Variants in IL1RAP observed in about 807,000 individuals in gnomAD.
IL1RAP encodes the protein interleukin 1 receptor accessory protein, also known as interleukin-1 receptor accessory protein.
A neutral mutation model predicts 60.7 loss-of-function variants in IL1RAP; 35 were observed. The ratio of observed to expected loss-of-function variants is 0.58; its 90% CI spans 0.44 to 0.76. IL1RAP has a LOEUF of 0.76. Among genes scored for constraint, IL1RAP ranks in the 30% least tolerant of loss-of-function variants. IL1RAP has a pLI of 0.00. For synonymous variants in IL1RAP, 268 were observed against 250.9 expected (o/e 1.07, Z -0.64); for missense variants, 572 against 693.9 (o/e 0.82, Z 1.97).
intron 3 of IL1RAP, among the ~76,000 whole-genome samples, chr3:190,591,128 T>C (rs759510031): frequency 5.3e-5 from 8 of 152,180 alleles, no homozygotes; most frequent in Admixed American, 3.9e-4. Flanking sequence ...CACAATTCAG[T>C]TTGAAATGGG....
downstream of IL1RAP, among the ~76,000 whole-genome samples, chr3:190,652,147 C>T (rs141016074): frequency 6.6e-4 from 100 of 152,046 alleles, no homozygotes; most frequent in Middle Eastern, 6.8e-3. Context: ...TCCATAGTGA[C>T]AGGGATGCCT....
At chr3:190,639,600 T>G (rs572627471) in intron 9 of IL1RAP, among the ~76,000 whole-genome samples, 1 of 152,328 alleles carries the variant, frequency 6.6e-6, no homozygotes, top group African/African-American at 2.4e-5. Context: ...ATTTTTGTTC[T>G]GTTTTGATTA....
chr3:190,565,924 C>A (rs1411294895), intron 3 of IL1RAP, among the ~76,000 whole-genome samples: 1 of 152,086 alleles, frequency 6.6e-6, no homozygotes, highest in African/African-American at 2.4e-5. Flanking sequence ...TTGTAACACT[C>A]ACATTCCCTG....
rs755276839 is a variant in IL1RAP at position 190,586,907 on chromosome 3, C to T, written c.65-17221C>T. 3.3e-5 allele frequency among the ~76,000 whole-genome samples: 5 copies of T among 152,164 alleles called. No individual in the cohort carries two copies. In the South Asian group the frequency reaches 8.3e-4, roughly 25 times the overall value. On this transcript the variant is annotated intron_variant, in intron 3 of 11. Transcript: ENST00000447382. The stretch of plus-strand genomic sequence containing the variant: ...CCTCTTGGCTGTGATATGTGCCTTC[C>T]GATGCTGGGAGGTGCTAATCAAGGA...
chr3:190,592,086 C>A (rs1015114772), intron 3 of IL1RAP, among the ~76,000 whole-genome samples: 1 of 152,188 alleles, frequency 6.6e-6, no homozygotes, highest in Non-Finnish European at 1.5e-5. Flanking sequence ...GTGGTGCGAT[C>A]TCGGCTCACT....
chr3:190,625,816 C>A (rs1218800350), intron 7 of IL1RAP, among the ~76,000 whole-genome samples: 1 of 152,148 alleles, frequency 6.6e-6, no homozygotes, highest in Non-Finnish European at 1.5e-5. Context: ...ACTCTTCCTG[C>A]TGTCAGGGTA....
At chr3:190,555,970 A>ATCTATCTG (rs1560166180) in intron 1 of IL1RAP, 160 bp from the exon 2 acceptor site, 1 of 149,854 alleles carries the variant, frequency 6.7e-6, no homozygotes. Flanking sequence ...CTATCTATCT[A>ATCTATCTG]TCTATCTTCT....
downstream of IL1RAP, chr3:190,656,203 G>T (rs1264000395): frequency 2.0e-6 from 3 of 1,537,230 alleles, no homozygotes; most frequent in Admixed American, 5.9e-5. Flanking sequence ...TGCCAGTTCT[G>T]GCTGGAATGA....
At position 190,615,226 on chromosome 3, in the gene IL1RAP, G is replaced by C. The variant is rs145548942; in HGVS notation, c.538-5049G>C. On this transcript the variant is annotated intron_variant, in intron 5 of 11. Transcript: ENST00000447382. ...TAGTCTGGAAAGCAAACCATAGTTT[G>C]TAAGTGATTTACAGAATTTCAAACA... 3.8e-3 allele frequency: 2,895 copies of C among 761,242 alleles called. 33 individuals carry two copies. Among genetic ancestry groups the C allele is most frequent in the Middle Eastern group, 0.026 (69 of 2,658 alleles). The allele number at this position is 761,242 out of a possible 1,614,324, so 47.2% of individuals were successfully genotyped here.
chr3:190,629,741 G>A, intron 9 of IL1RAP: 1 of 1,196,058 alleles, frequency 8.4e-7, no homozygotes, highest in Non-Finnish European at 1.0e-6. Flanking sequence ...ATCGACGTGA[G>A]TACAGTGAGA....
Position 190,648,475 on chromosome 3 carries a change from A to G in IL1RAP, c.1483A>G (p.Asn495Asp). ...CCTAGAAAATATGGCCTCTCGGGGC[A>G]ACATCAACGTCATTTTAGTACAGTA... ...AGLENMASRG[N>D]INVILVQYKA... The change falls in exon 12 of 12, where the codon AAC (asparagine) becomes GAC (aspartate). Residue 495 changes from asparagine (N) to aspartate (D), a missense_variant. Transcript: ENST00000447382. The G allele has an allele frequency of 1.9e-6, 3 of 1,614,130 alleles. No homozygotes were observed. Among genetic ancestry groups the G allele is most frequent in the Non-Finnish European group, 2.5e-6 (3 of 1,180,030 alleles).
chr3:190,544,185 G>A (rs2108570917), intron 1 of IL1RAP, among the ~76,000 whole-genome samples: 1 of 152,246 alleles, frequency 6.6e-6, no homozygotes, highest in East Asian at 1.9e-4. Flanking sequence ...GTTATTTGCT[G>A]GGTCTCATAG....
In IL1RAP at chr3:190,565,738, G is replaced by A. The variant is rs558398733; in HGVS notation, c.64+1385G>A. ...TGGTTAGGTGTCGCGTTTGATAGGTGAGTTTCTTGATGTCCTGATTTTCAA... is the reference window on the plus strand; with the variant it reads ...TGGTTAGGTGTCGCGTTTGATAGGTAAGTTTCTTGATGTCCTGATTTTCAA... On this transcript the variant is annotated intron_variant, in intron 3 of 11. Coordinates refer to ENST00000447382, the MANE Select transcript of IL1RAP (RefSeq NM_002182.4). 2.1e-3 allele frequency among the ~76,000 whole-genome samples: 326 copies of A among 152,212 alleles called. 2 individuals carry two copies. The highest frequency in any genetic ancestry group is 4.0e-3 in the Non-Finnish European group (273 of 68,000).
At chr3:190,542,552 G>A (rs1404779863) in intron 1 of IL1RAP, among the ~76,000 whole-genome samples, 2 of 152,142 alleles carry the variant, frequency 1.3e-5, no homozygotes, top group East Asian at 3.8e-4. Context: ...TACTTGTTGA[G>A]TGAATGAACA....
At chr3:190,575,052 G>A (rs1727317683) in intron 3 of IL1RAP, among the ~76,000 whole-genome samples, 1 of 152,088 alleles carries the variant, frequency 6.6e-6, no homozygotes, top group South Asian at 2.1e-4. Context: ...GTCATAAAAG[G>A]ATGATAAGTA....
At chr3:190,534,766 A>T (rs2108545481) in intron 1 of IL1RAP, among the ~76,000 whole-genome samples, 2 of 151,932 alleles carry the variant, frequency 1.3e-5, no homozygotes, top group South Asian at 4.3e-4. Flanking sequence ...TCACATTTCC[A>T]CTAGTGAGTT....
At chr3:190,570,244 A>C (rs1307937298) in intron 3 of IL1RAP, among the ~76,000 whole-genome samples, 1 of 152,196 alleles carries the variant, frequency 6.6e-6, no homozygotes, top group Admixed American at 6.5e-5. Flanking sequence ...CAAACCTATA[A>C]AAGCTGATGT....
At chr3:190,639,196 C>G (rs953342016) in intron 9 of IL1RAP, among the ~76,000 whole-genome samples, 1 of 152,040 alleles carries the variant, frequency 6.6e-6, no homozygotes, top group African/African-American at 2.4e-5. Flanking sequence ...CAGCCATTTT[C>G]TTTTCAAATA....
chr3:190,604,520 TAG>T, intron 4 of IL1RAP, 107 bp downstream of exon 4: 1 of 1,162,604 alleles, frequency 8.6e-7, no homozygotes, highest in Non-Finnish European at 1.2e-6. Context: ...AGCATTTAGA[TAG>T]AGTTTAGTGA....
Sources: allele counts gnomAD v4.1 joint callset (sites outside exome capture counted in the v4.1 genomes callset), GRCh38; gene constraint gnomAD v4.1.1; transcripts MANE v1.5; gene names NCBI Gene and HGNC (gene_info 2026-07-23, HGNC 2026-07-21).